GALNT13: variants seen among roughly 807,000 people sequenced by gnomAD.
The protein encoded by GALNT13 is UDP-GalNAc:polypeptide N-acetylgalactosaminyltransferase 13.
GALNT13 carries 28 observed loss-of-function variants against 64.2 expected under a neutral mutation model. The ratio of observed to expected loss-of-function variants is 0.44; its 90% CI spans 0.32 to 0.60. The LOEUF is 0.60. GALNT13 is among the 20% of genes least tolerant of loss of function. The pLI is 0.05. For synonymous variants in GALNT13, 214 were observed against 224.6 expected, an observed-to-expected ratio of 0.95 and a Z score of 0.42; for missense variants, 577 against 669.8, an observed-to-expected ratio of 0.86 and a Z score of 1.53.
At chr2:153,577,518 A>G in the GALNT13 span, among the ~76,000 whole-genome samples, 3 of 152,124 alleles carry the variant, frequency 2.0e-5, no homozygotes, top group African/African-American at 7.2e-5. Flanking sequence ...TATCAATGTT[A>G]GGCCCTTGAG....
chr2:153,898,242 T>G (rs367936772), intron 1 of GALNT13, among the ~76,000 whole-genome samples: 23 of 152,162 alleles, frequency 1.5e-4, no homozygotes, highest in Admixed American at 2.0e-4. Context: ...CTTGGATTTG[T>G]GTGTTTTAAT....
At chr2:153,351,691 C>T in the GALNT13 span, among the ~76,000 whole-genome samples, 5 of 152,206 alleles carry the variant, frequency 3.3e-5, no homozygotes, top group African/African-American at 1.2e-4. Context: ...TCAAGAATAT[C>T]AGATAGTTGG....
the GALNT13 span, among the ~76,000 whole-genome samples, chr2:153,519,186 A>G: frequency 6.6e-6 from 1 of 152,196 alleles, no homozygotes; most frequent in South Asian, 2.1e-4. Flanking sequence ...GATAAACTGT[A>G]AAATCGATAT....
the GALNT13 span, among the ~76,000 whole-genome samples, chr2:153,853,978 C>T: frequency 6.6e-6 from 1 of 151,618 alleles, no homozygotes; most frequent in East Asian, 1.9e-4. Flanking sequence ...ATTTACCATC[C>T]GTCAGCCCAT....
At chr2:153,591,318 G>A in the GALNT13 span, among the ~76,000 whole-genome samples, 4 of 151,878 alleles carry the variant, frequency 2.6e-5, no homozygotes, top group South Asian at 2.1e-4. Context: ...GACACAAATC[G>A]AAAAACATCC....
intron 2 of GALNT13, among the ~76,000 whole-genome samples, chr2:153,929,056 G>A (rs1307877525): frequency 2.0e-5 from 3 of 152,128 alleles, no homozygotes; most frequent in Non-Finnish European, 4.4e-5. Context: ...TACTCCATAT[G>A]TTTCATACAT....
intron 3 of GALNT13, among the ~76,000 whole-genome samples, chr2:154,107,944 T>C (rs1446416020): frequency 1.3e-5 from 2 of 152,178 alleles, no homozygotes; most frequent in Middle Eastern, 3.2e-3. Context: ...TTATTTCCTT[T>C]TAAGCATGCA....
chr2:153,407,042 TATAA>T, the GALNT13 span, among the ~76,000 whole-genome samples: 1 of 152,090 alleles, frequency 6.6e-6, no homozygotes, highest in African/African-American at 2.4e-5. Context: ...ACAATAAATA[TATAA>T]AGATTATTCC....
the GALNT13 span, among the ~76,000 whole-genome samples, chr2:153,249,970 T>A: frequency 1.3e-5 from 2 of 151,082 alleles, no homozygotes; most frequent in East Asian, 3.9e-4. Context: ...AGGCACGATC[T>A]CATAGTCATA....
At chr2:153,430,881 G>C in the GALNT13 span, among the ~76,000 whole-genome samples, 3 of 152,034 alleles carry the variant, frequency 2.0e-5, no homozygotes, top group Admixed American at 6.6e-5. Context: ...GCCAGGCATG[G>C]TGGCTCACGC....
At chr2:153,540,622 A>G in the GALNT13 span, among the ~76,000 whole-genome samples, 5 of 152,212 alleles carry the variant, frequency 3.3e-5, no homozygotes, top group Admixed American at 6.5e-5. Context: ...CCGGGCCTGT[A>G]TCCTACTGAG....
At chr2:153,977,465 G>T (rs942021629) in intron 3 of GALNT13, among the ~76,000 whole-genome samples, 2 of 152,080 alleles carry the variant, frequency 1.3e-5, no homozygotes, top group Non-Finnish European at 2.9e-5. Flanking sequence ...AAAGGGGGAA[G>T]CCCCTTATAA....
At chr2:153,988,998 C>A (rs1694991155) in intron 3 of GALNT13, among the ~76,000 whole-genome samples, 1 of 151,810 alleles carries the variant, frequency 6.6e-6, no homozygotes, top group African/African-American at 2.4e-5. Context: ...TTAATCTCAG[C>A]CATGCCACAT....
rs10545017 is a variant in GALNT13 at position 153,874,103 on chromosome 2, GTTT to G, written c.-177+1814_-177+1816del. 1.4e-3 allele frequency among the ~76,000 whole-genome samples: 172 copies of G among 122,406 alleles called. 1 individual carries two copies. Among genetic ancestry groups the G allele is most frequent in the African/African-American group, 3.3e-3 (105 of 32,266 alleles). 80.3% of individuals were successfully genotyped at this position (122,406 alleles called of 152,430 possible). A position where few individuals can be genotyped will look rare whatever the true frequency, so the allele number is the denominator to read the frequency against. The stretch of plus-strand genomic sequence containing the variant: ...CCCGCACCCCCCTCCCGCAATCTCT[GTTT>G]TTTTTTTTTTTTTCTTTCCCCACGT... On this transcript the variant is annotated intron_variant, in intron 1 of 12. Transcript: ENST00000392825.
the GALNT13 span, among the ~76,000 whole-genome samples, chr2:153,136,780 AG>A: frequency 6.6e-6 from 1 of 151,702 alleles, no homozygotes; most frequent in South Asian, 2.1e-4. Flanking sequence ...TCTCCAAAAT[AG>A]GGAGGATGTG....
chr2:153,215,971 C>T, the GALNT13 span, among the ~76,000 whole-genome samples: 2 of 151,874 alleles, frequency 1.3e-5, no homozygotes, highest in African/African-American at 4.8e-5. Flanking sequence ...TTTCAGACTG[C>T]CCCCTTGATG....
intron 3 of GALNT13, among the ~76,000 whole-genome samples, chr2:153,960,423 C>T (rs1692865257): frequency 6.6e-6 from 1 of 152,218 alleles, no homozygotes; most frequent in Non-Finnish European, 1.5e-5. Flanking sequence ...CTTTATTGAA[C>T]AGACAGTGTT....
intron 8 of GALNT13, among the ~76,000 whole-genome samples, chr2:154,287,647 A>G (rs137955958): frequency 6.1e-4 from 92 of 151,868 alleles, no homozygotes; most frequent in African/African-American, 2.0e-3. Flanking sequence ...GTGTTTTCTA[A>G]TATTTCCTAT....
At chr2:153,338,657 A>G in the GALNT13 span, among the ~76,000 whole-genome samples, 2 of 152,140 alleles carry the variant, frequency 1.3e-5, no homozygotes, top group African/African-American at 2.4e-5. Flanking sequence ...TCTCTTAGCA[A>G]TTTTCAAGTT....
Sources: gnomAD v4.1 joint callset for allele counts (sites outside exome capture counted in the v4.1 genomes callset) on GRCh38, gnomAD v4.1.1 for gene constraint, MANE v1.5 for transcripts, NCBI Gene and HGNC (gene_info 2026-07-23, HGNC 2026-07-21) for gene names.